The following EHD1 variants were observed in gnomAD, a reference collection of about 807,000 sequenced individuals.
EHD1 encodes the protein EH domain containing 1, also known as EH domain-containing protein 1.
In EHD1, 19 loss-of-function variants were observed where a neutral mutation model predicts 39.0. The observed-to-expected ratio is 0.49, with a 90% confidence interval of 0.34 to 0.72. EHD1 has a LOEUF of 0.72. Ranked by LOEUF, EHD1 falls within the 30% of genes least tolerant of loss-of-function variation. The pLI, the probability that EHD1 is intolerant of heterozygous loss-of-function variation, is 0.01. For synonymous variants in EHD1, 323 were observed against 331.2 expected (o/e 0.98, Z 0.27); for missense variants, 542 against 751.5 (o/e 0.72, Z 3.26).
chr11:64,864,933 G>A (rs1338085455), intron 2 of EHD1, among the ~76,000 whole-genome samples: 2 of 152,130 alleles, frequency 1.3e-5, no homozygotes, highest in African/African-American at 4.8e-5. Flanking sequence ...GAGAGAAAAA[G>A]GAGGGGAAGG....
chr11:64,872,748 C>T (rs911766072), intron 2 of EHD1, among the ~76,000 whole-genome samples: 20 of 152,194 alleles, frequency 1.3e-4, no homozygotes, highest in African/African-American at 3.9e-4. Context: ...CAGTCCCACA[C>T]GGGCAAGGCC....
Position 64,878,293 on chromosome 11 carries a change from T to TGTCGTCGAA in EHD1, c.171_172insTTCGACGAC (p.Asn57_Lys58insPheAspAsp), listed in dbSNP as rs1325713433. ...TGCCCCACGAGGAGCACCATAGGCT[T>TGTCGTCGAA]GTTGTCGAAGTCAGCGTCCTCCAGC... On this transcript the variant is annotated inframe_insertion, in exon 1 of 5. Coordinates refer to ENST00000320631, the MANE Select transcript of EHD1 (RefSeq NM_006795.4). The TGTCGTCGAA allele has an allele frequency of 1.9e-6, 3 of 1,614,162 alleles. No individual in the cohort carries two copies. The highest frequency in any genetic ancestry group is 2.5e-6 in the Non-Finnish European group (3 of 1,180,026).
At chr11:64,879,688 G>T (rs1246746043), upstream of EHD1, 1 of 1,547,410 alleles carries the variant, frequency 6.5e-7, no homozygotes, top group East Asian at 2.4e-5. Context: ...GGCTGTCCAG[G>T]CTGGTGAGAA....
At chr11:64,862,392 C>T (rs577414564) in intron 2 of EHD1, among the ~76,000 whole-genome samples, 25 of 152,316 alleles carry the variant, frequency 1.6e-4, no homozygotes, top group African/African-American at 6.0e-4. Flanking sequence ...TTGCATTTCC[C>T]AGCCTCCTTC....
At position 64,852,414 on chromosome 11, in the gene EHD1, G is replaced by A. The variant is rs1019520419; in HGVS notation, c.*1919C>T. 3 of 152,210 alleles carry A rather than the reference G, an allele frequency of 2.0e-5. No individual in the cohort carries two copies. Among genetic ancestry groups the A allele is most frequent in the African/African-American group, 7.2e-5 (3 of 41,410 alleles). 9.4% of individuals were successfully genotyped at this position (152,210 alleles called of 1,614,324 possible). On this transcript the variant is annotated 3_prime_UTR_variant, in exon 5 of 5. Transcript: ENST00000320631. The stretch of plus-strand genomic sequence containing the variant: ...CCTGCAGGTGCCCACTCATCCGTCT[G>A]TGGCTGAGGGGTGCCAGCCTAGGCC...
rs370205609 is a variant in EHD1 at position 64,855,481 on chromosome 11, G to A, written c.921C>T (p.His307=). The A allele has an allele frequency of 4.9e-5, 79 of 1,613,808 alleles. No homozygotes were observed. Among genetic ancestry groups the A allele is most frequent in the South Asian group, 1.1e-4 (10 of 91,066 alleles). ...LIKRARLAKV[H]AYIISSLKKE... is the part of the protein sequence containing the mutation. The stretch of plus-strand genomic sequence containing the variant: ...TCTTGAGGGAGCTGATGATGTAGGC[G>A]TGAACCTGTGAGGACGGGGTGAGCA... Residue 307 remains histidine (H), a synonymous_variant, in exon 4 of 5, where the codon CAC becomes CAT. Transcript: ENST00000320631.
At chr11:64,863,738 G>A (rs887147457) in intron 2 of EHD1, among the ~76,000 whole-genome samples, 4 of 152,206 alleles carry the variant, frequency 2.6e-5, no homozygotes, top group Non-Finnish European at 5.9e-5. Context: ...GAAGGAACTC[G>A]GGCCACTAAC....
intron 2 of EHD1, among the ~76,000 whole-genome samples, chr11:64,862,234 A>G (rs1943723960): frequency 2.0e-5 from 3 of 152,256 alleles, no homozygotes; most frequent in Middle Eastern, 3.4e-3. Flanking sequence ...ATTGCTTCCC[A>G]CCAACCCATT....
At chr11:64,855,244 C>T (rs1402911337) in intron 4 of EHD1, 78 bp downstream of exon 4, 46 of 1,527,298 alleles carry the variant, frequency 3.0e-5, no homozygotes, top group Admixed American at 8.7e-5. Flanking sequence ...AGATGGGATT[C>T]CCTCCAAATC....
chr11:64,852,364 A>G lies in EHD1; in HGVS notation c.*1969T>C, dbSNP rs887052865. 3 of 111,396 alleles carry G rather than the reference A, an allele frequency of 2.7e-5. No homozygotes were observed. Among genetic ancestry groups the G allele is most frequent in the Admixed American group, 9.8e-5 (1 of 10,216 alleles). 6.9% of individuals were successfully genotyped at this position (111,396 alleles called of 1,614,324 possible). ...CTCCAAAGCCCAGAAACCCTTGTTT[A>G]CTTGATGCCACCCAGTGCCGAGGGC... On this transcript the variant is annotated 3_prime_UTR_variant, in exon 5 of 5. Coordinates refer to ENST00000320631, the MANE Select transcript of EHD1 (RefSeq NM_006795.4).
chr11:64,866,981 G>C (rs1316046787), intron 2 of EHD1, among the ~76,000 whole-genome samples: 2 of 152,176 alleles, frequency 1.3e-5, no homozygotes, highest in Non-Finnish European at 2.9e-5. Flanking sequence ...GTGTTGAACA[G>C]GAAGAGTGTC....
chr11:64,870,536 T>C (rs1592752393), intron 2 of EHD1, among the ~76,000 whole-genome samples: 1 of 152,254 alleles, frequency 6.6e-6, no homozygotes, highest in African/African-American at 2.4e-5. Context: ...GCCAGGTCTC[T>C]GATCTGCTAC....
chr11:64,855,585 T>C (rs113569906), intron 3 of EHD1, 99 bp from the exon 4 acceptor site: 17,870 of 1,553,640 alleles, frequency 0.012, 145 homozygotes, highest in Non-Finnish European at 0.014. Flanking sequence ...AGGTGCTCGC[T>C]CAGGAACAGG....
chr11:64,878,705 T>C, upstream of EHD1: 1 of 1,349,710 alleles, frequency 7.4e-7, no homozygotes, highest in Non-Finnish European at 9.5e-7. Flanking sequence ...CAGGGCGGAA[T>C]TGGGGGCGGT....
chr11:64,860,706 CA>C (rs1943706625), intron 2 of EHD1, among the ~76,000 whole-genome samples: 1 of 117,954 alleles, frequency 8.5e-6, no homozygotes, highest in Non-Finnish European at 1.7e-5. Context: ...GTAAGAAGAG[CA>C]AAACTGTCGC....
intron 3 of EHD1, among the ~76,000 whole-genome samples, chr11:64,858,689 G>A (rs1457050192): frequency 2.6e-5 from 4 of 152,242 alleles, no homozygotes; most frequent in Non-Finnish European, 4.4e-5. Flanking sequence ...ACGATAGGGT[G>A]CTATCCAAAG....
At chr11:64,878,746 C>T, upstream of EHD1, 2 of 1,305,488 alleles carry the variant, frequency 1.5e-6, no homozygotes, top group Non-Finnish European at 1.9e-6. Context: ...CCCGCCCCTC[C>T]GACTGGTGCC....
At chr11:64,858,665 G>A (rs1412369810) in intron 3 of EHD1, among the ~76,000 whole-genome samples, 2 of 152,244 alleles carry the variant, frequency 1.3e-5, no homozygotes, top group South Asian at 2.1e-4. Context: ...ATGGTGACTC[G>A]TCTAGGCTGG....
Position 64,854,953 on chromosome 11 carries a change from G to GCTGCTCCCCCA in EHD1, c.1081-107_1081-97dup. Reference sequence around the variant, plus strand: ...AGTCAGGGCTTCACAAGCATAAAGTGCTGCTCCCCCACACTAGCAGGGGCG... The same window carrying GCTGCTCCCCCA: ...AGTCAGGGCTTCACAAGCATAAAGTGCTGCTCCCCCACTGCTCCCCCACACTAGCAGGGGCG... On this transcript the variant is annotated intron_variant, in intron 4 of 4. Transcript: ENST00000320631. 5 of 1,467,362 alleles carry GCTGCTCCCCCA rather than the reference G, an allele frequency of 3.4e-6. No individual in the cohort carries two copies. The South Asian group carries it at 6.3e-5, about 18-fold the overall frequency. 90.9% of individuals were successfully genotyped at this position (1,467,362 alleles called of 1,614,324 possible). A position where few individuals can be genotyped will look rare whatever the true frequency, so the allele number is the denominator to read the frequency against.
Sources: allele counts gnomAD v4.1 joint callset (sites outside exome capture counted in the v4.1 genomes callset), GRCh38; gene constraint gnomAD v4.1.1; transcripts MANE v1.5; gene names NCBI Gene and HGNC (gene_info 2026-07-23, HGNC 2026-07-21).